TRABD2B: variants seen among roughly 807,000 people sequenced by gnomAD.
The protein encoded by TRABD2B is metalloprotease TIKI2.
TRABD2B carries 14 observed loss-of-function variants against 40.1 expected under a neutral mutation model. The observed-to-expected ratio is 0.35, with a 90% CI of 0.23 to 0.55. The LOEUF is 0.55. TRABD2B is among the 20% of genes least tolerant of loss of function. The pLI, the probability that TRABD2B is intolerant of heterozygous loss-of-function variation, is 0.90. For missense variants in TRABD2B, 541 were observed against 648.6 expected, an observed-to-expected ratio of 0.83 and a Z score of 1.80; for synonymous variants, 263 against 277.0, an observed-to-expected ratio of 0.95 and a Z score of 0.50.
At chr1:47,828,056 G>T (rs770155113) in intron 2 of TRABD2B, among the ~76,000 whole-genome samples, 7 of 152,112 alleles carry the variant, frequency 4.6e-5, no homozygotes, top group Non-Finnish European at 5.9e-5. Context: ...TGTTAACTGG[G>T]GACAATGAGC....
intron 2 of TRABD2B, among the ~76,000 whole-genome samples, chr1:47,949,654 C>T (rs1361341897): frequency 6.6e-6 from 1 of 151,736 alleles, no homozygotes; most frequent in Admixed American, 6.6e-5. Flanking sequence ...ATGATCCACC[C>T]GCCTCATCCT....
At chr1:47,846,542 G>A (rs890965267) in intron 2 of TRABD2B, among the ~76,000 whole-genome samples, 10 of 152,152 alleles carry the variant, frequency 6.6e-5, no homozygotes, top group Non-Finnish European at 8.8e-5. Flanking sequence ...TGACCCTCAC[G>A]TCTGAGGTGC....
chr1:47,831,790 G>A (rs1425657288), intron 2 of TRABD2B, among the ~76,000 whole-genome samples: 2 of 152,148 alleles, frequency 1.3e-5, no homozygotes, highest in South Asian at 2.1e-4. Flanking sequence ...ACTGCAGGAC[G>A]ACTGGCACAC....
chr1:47,988,339 C>T (rs1353596163), intron 2 of TRABD2B, among the ~76,000 whole-genome samples: 1 of 152,156 alleles, frequency 6.6e-6, no homozygotes, highest in Non-Finnish European at 1.5e-5. Context: ...CCTCTCAGGG[C>T]ATAAAAGCAA....
chr1:47,781,229 G>A (rs1259264546), intron 4 of TRABD2B, among the ~76,000 whole-genome samples: 1 of 152,196 alleles, frequency 6.6e-6, no homozygotes, highest in Non-Finnish European at 1.5e-5. Flanking sequence ...CTCCTTTTCT[G>A]CCTCCTTGGA....
At chr1:47,886,504 G>A (rs1036777331) in intron 2 of TRABD2B, among the ~76,000 whole-genome samples, 1 of 152,144 alleles carries the variant, frequency 6.6e-6, no homozygotes, top group Non-Finnish European at 1.5e-5. Flanking sequence ...CACATGAGAA[G>A]TTCAAAAGTT....
In TRABD2B at chr1:47,827,410, C is replaced by G. The variant is rs971110625; in HGVS notation, c.667-25791G>C. On this transcript the variant is annotated intron_variant, in intron 2 of 6. Coordinates refer to ENST00000606738, the MANE Select transcript of TRABD2B (RefSeq NM_001194986.2). ...CTGTCTGTGTGGCCCATGGCAAGAC[C>G]CTTATCTCTCTGCTCTGCATGCAGG... 3.9e-5 allele frequency among the ~76,000 whole-genome samples: 6 copies of G among 152,316 alleles called. No homozygotes were observed. The East Asian group carries it at 1.2e-3, about 29-fold the overall frequency.
intron 2 of TRABD2B, among the ~76,000 whole-genome samples, chr1:47,852,693 C>T (rs1016342635): frequency 3.9e-5 from 6 of 152,118 alleles, no homozygotes; most frequent in Admixed American, 1.3e-4. Context: ...TTCAATAATC[C>T]CAGAGGAGGA....
chr1:47,915,515 C>G (rs1350910927), intron 2 of TRABD2B, among the ~76,000 whole-genome samples: 1 of 152,134 alleles, frequency 6.6e-6, no homozygotes, highest in Non-Finnish European at 1.5e-5. Context: ...CTTTACTGAC[C>G]CATTTTACAG....
intron 4 of TRABD2B, among the ~76,000 whole-genome samples, chr1:47,782,234 TA>T (rs1412251676): frequency 6.6e-6 from 1 of 152,212 alleles, no homozygotes; most frequent in Non-Finnish European, 1.5e-5. Flanking sequence ...TCAACCTAAA[TA>T]GGTCCTATCT....
chr1:47,908,740 C>T (rs916954124), intron 2 of TRABD2B, among the ~76,000 whole-genome samples: 6 of 152,234 alleles, frequency 3.9e-5, no homozygotes, highest in Non-Finnish European at 8.8e-5. Flanking sequence ...CACCAGTGTC[C>T]CATCTGGGAG....
At chr1:47,982,960 G>A (rs1645862000) in intron 2 of TRABD2B, among the ~76,000 whole-genome samples, 1 of 152,188 alleles carries the variant, frequency 6.6e-6, no homozygotes, top group Non-Finnish European at 1.5e-5. Flanking sequence ...GGGTTCTGTA[G>A]TGGTGGGTCA....
chr1:47,939,135 C>A (rs969284828), intron 2 of TRABD2B, among the ~76,000 whole-genome samples: 1 of 151,816 alleles, frequency 6.6e-6, no homozygotes, highest in Non-Finnish European at 1.5e-5. Flanking sequence ...TAATGCCAAC[C>A]CCCCCACCCC....
chr1:47,767,039 A>T (rs1334738214), intron 6 of TRABD2B, among the ~76,000 whole-genome samples: 2 of 152,112 alleles, frequency 1.3e-5, no homozygotes, highest in Non-Finnish European at 2.9e-5. Flanking sequence ...CAGGTCCAGG[A>T]AAGAGACATA....
chr1:47,976,827 A>AT (rs1645762647), intron 2 of TRABD2B, among the ~76,000 whole-genome samples: 1 of 152,188 alleles, frequency 6.6e-6, no homozygotes, highest in Non-Finnish European at 1.5e-5. Context: ...AGATTGATCC[A>AT]TTTTTTAAAT....
intron 6 of TRABD2B, among the ~76,000 whole-genome samples, chr1:47,769,439 A>G (rs1168966572): frequency 6.6e-6 from 1 of 152,012 alleles, no homozygotes; most frequent in Non-Finnish European, 1.5e-5. Flanking sequence ...AAAGATGAAA[A>G]CTCCCGCTTG....
rs768875418 is a variant in TRABD2B, at chr1:47,965,405, C to A, written c.666+28629G>T. 1.1e-3 allele frequency among the ~76,000 whole-genome samples: 167 copies of A among 151,400 alleles called. 1 individual carries two copies. Among genetic ancestry groups the A allele is most frequent in the Non-Finnish European group, 1.9e-3 (126 of 67,778 alleles). On this transcript the variant is annotated intron_variant, in intron 2 of 6. Transcript: ENST00000606738. ...CCTTCCCTGCAAAAAAAAAAAAAATCTCCTTGGGGGCCAGGAAGTCTAGTG... is the reference window on the plus strand; with the variant it reads ...CCTTCCCTGCAAAAAAAAAAAAAATATCCTTGGGGGCCAGGAAGTCTAGTG...
intron 4 of TRABD2B, among the ~76,000 whole-genome samples, chr1:47,783,567 C>T (rs1434340806): frequency 6.6e-6 from 1 of 152,156 alleles, no homozygotes. Flanking sequence ...TTAAAAATTG[C>T]GGGGCTGGGA....
chr1:47,915,619 C>T (rs907746566), intron 2 of TRABD2B, among the ~76,000 whole-genome samples: 3 of 152,190 alleles, frequency 2.0e-5, no homozygotes, highest in Non-Finnish European at 4.4e-5. Context: ...TGATTTAGGA[C>T]ATTCCATGTT....
Sources: allele counts gnomAD v4.1 joint callset (sites outside exome capture counted in the v4.1 genomes callset), GRCh38; gene constraint gnomAD v4.1.1; transcripts MANE v1.5; gene names NCBI Gene and HGNC (gene_info 2026-07-23, HGNC 2026-07-21).